CCDC3: variants seen among roughly 807,000 people sequenced by gnomAD.
The protein encoded by CCDC3 is coiled-coil domain-containing protein 3.
CCDC3 carries 24 observed loss-of-function variants against 21.4 expected under a neutral mutation model. That is an observed-to-expected ratio of 1.12 (90% CI 0.81 to 1.58). The LOEUF is 1.58. Ranked by LOEUF, CCDC3 falls within the 40% of genes most tolerant of loss-of-function variation. The probability of loss-of-function intolerance (pLI) is 0.00; values close to 1 mark genes in which losing one functional copy is unlikely to be tolerated. For synonymous variants in CCDC3, 186 were observed against 166.0 expected (o/e 1.12, Z -0.93); for missense variants, 425 against 360.9 (o/e 1.18, Z -1.44).
At chr10:12,990,559 G>T (rs941769899) in intron 2 of CCDC3, among the ~76,000 whole-genome samples, 1 of 152,194 alleles carries the variant, frequency 6.6e-6, no homozygotes, top group Non-Finnish European at 1.5e-5. Context: ...TCACTTCAAA[G>T]AAAACAACTG....
intron 2 of CCDC3, among the ~76,000 whole-genome samples, chr10:12,948,689 C>A (rs955226988): frequency 1.4e-5 from 2 of 145,032 alleles, no homozygotes; most frequent in East Asian, 2.0e-4. Flanking sequence ...CAACTGAAGA[C>A]GAAAAGGGGT....
At chr10:12,918,923 T>C (rs1465723986) in intron 2 of CCDC3, among the ~76,000 whole-genome samples, 1 of 151,982 alleles carries the variant, frequency 6.6e-6, no homozygotes, top group Non-Finnish European at 1.5e-5. Context: ...TGCATGGTGG[T>C]GGGCGCCTGT....
chr10:13,001,167 G>C (rs928557177), intron 1 of CCDC3, 30 bp downstream of exon 1: 4 of 1,543,164 alleles, frequency 2.6e-6, no homozygotes, highest in Middle Eastern at 1.7e-4. Context: ...CAGAGAGAGA[G>C]AGAGGTGGCG....
intron 2 of CCDC3, among the ~76,000 whole-genome samples, chr10:12,925,163 A>C (rs166852): frequency 0.99 from 151,208 of 152,244 alleles, 75,097 homozygotes; most frequent in East Asian, 1. Flanking sequence ...GGGAGCAAAA[A>C]CCCTGGGTCA....
intron 5 of CCDC3, among the ~76,000 whole-genome samples, chr10:13,018,801 G>A (rs1450935892): frequency 6.6e-6 from 1 of 151,868 alleles, no homozygotes; most frequent in African/African-American, 2.4e-5. Flanking sequence ...GGGCGAGGTG[G>A]TGAGTGCTTC....
intron 4 of CCDC3, among the ~76,000 whole-genome samples, chr10:13,064,743 G>C (rs1295858807): frequency 6.6e-6 from 1 of 152,096 alleles, no homozygotes; most frequent in East Asian, 1.9e-4. Flanking sequence ...CCAAGATCAG[G>C]GGCCACTGCA....
At position 13,066,084 on chromosome 10, in the gene CCDC3, G is replaced by C. The variant is rs191597971; in HGVS notation, c.-270+7784C>G. Among the ~76,000 whole-genome samples the C allele has an allele frequency of 1.6e-3, 238 of 152,158 alleles. 3 individuals are homozygous for C. The highest frequency in any genetic ancestry group is 5.5e-3 in the African/African-American group (227 of 41,514). ...TGAAATGATTGAGATGCAAAATCCT[G>C]GGCTCCATCCCCAGTTCCTTTCATT... On this transcript the variant is annotated intron_variant, in intron 4 of 6. Coordinates refer to the CCDC3 transcript ENST00000378839.
At chr10:12,925,136 C>A (rs1834514587) in intron 2 of CCDC3, among the ~76,000 whole-genome samples, 1 of 152,088 alleles carries the variant, frequency 6.6e-6, no homozygotes. Context: ...ATGGTCGGTT[C>A]CAGGAGAGCC....
intron 1 of CCDC3, among the ~76,000 whole-genome samples, chr10:13,000,232 C>T (rs1835825965): frequency 6.6e-6 from 1 of 152,166 alleles, no homozygotes; most frequent in African/African-American, 2.4e-5. Context: ...AGGTTAGATT[C>T]CATTTTGATG....
intron 2 of CCDC3, among the ~76,000 whole-genome samples, chr10:12,985,796 G>C (rs1448369370): frequency 6.6e-6 from 1 of 152,212 alleles, no homozygotes; most frequent in Non-Finnish European, 1.5e-5. Flanking sequence ...GCAGGAAGAA[G>C]CCACTTGGTG....
At chr10:13,004,245 G>A (rs1189222911), upstream of CCDC3, among the ~76,000 whole-genome samples, 1 of 149,778 alleles carries the variant, frequency 6.7e-6, no homozygotes, top group Non-Finnish European at 1.5e-5. Flanking sequence ...TCAGTGTGGT[G>A]ACTCCCAACT....
intron 2 of CCDC3, among the ~76,000 whole-genome samples, chr10:12,975,090 G>A (rs930579546): frequency 1.2e-4 from 19 of 152,158 alleles, no homozygotes; most frequent in African/African-American, 4.1e-4. Flanking sequence ...CCAAACTCAC[G>A]CCGCTCTAGT....
chr10:12,914,304 G>A (rs1244610442), intron 2 of CCDC3, among the ~76,000 whole-genome samples: 2 of 152,156 alleles, frequency 1.3e-5, no homozygotes, highest in African/African-American at 2.4e-5. Flanking sequence ...CTTAATCATA[G>A]TAGGTTGTAT....
At chr10:13,023,212 T>C (rs899451984) in intron 5 of CCDC3, among the ~76,000 whole-genome samples, 1 of 152,204 alleles carries the variant, frequency 6.6e-6, no homozygotes, top group Admixed American at 6.5e-5. Context: ...GTTTGACTTA[T>C]CTACTGCTGC....
intron 2 of CCDC3, among the ~76,000 whole-genome samples, chr10:12,939,080 C>G: frequency 6.8e-6 from 1 of 146,056 alleles, no homozygotes; most frequent in East Asian, 1.9e-4. Flanking sequence ...CCAGCCTTTA[C>G]GTGCCTCAAG....
chr10:13,025,256 G>A (rs1194224350), intron 5 of CCDC3, among the ~76,000 whole-genome samples: 1 of 152,216 alleles, frequency 6.6e-6, no homozygotes, highest in Non-Finnish European at 1.5e-5. Flanking sequence ...TCTTCTCCAT[G>A]TGGTTGCTTA....
At chr10:12,898,898 C>T (rs1159248760) in intron 2 of CCDC3, among the ~76,000 whole-genome samples, 1 of 152,196 alleles carries the variant, frequency 6.6e-6, no homozygotes, top group Admixed American at 6.5e-5. Context: ...CCCCGTTTTG[C>T]TTTCCATACT....
At position 12,897,092 on chromosome 10, in the gene CCDC3, C is replaced by A; in HGVS notation, c.*1324G>T. On this transcript the variant is annotated 3_prime_UTR_variant, in exon 3 of 3. Coordinates refer to ENST00000378825, the MANE Select transcript of CCDC3 (RefSeq NM_031455.4). ...ACAGCATCACCAGGCCCTGCAGTGT[C>A]TGGGGGGGGTCTCTGGGGGGCAGAT... is the stretch of plus-strand genomic sequence containing the variant. The A allele has an allele frequency of 8.4e-5, 1 of 11,892 alleles. No homozygotes were observed. The highest frequency in any genetic ancestry group is 5.3e-4 in the Non-Finnish European group (1 of 1,902). The allele number at this position is 11,892 out of a possible 1,614,324, so 0.7% of individuals were successfully genotyped here. A position where few individuals can be genotyped will look rare whatever the true frequency, so the allele number is the denominator to read the frequency against.
chr10:13,003,914 C>T (rs2131290099), upstream of CCDC3, among the ~76,000 whole-genome samples: 1 of 152,294 alleles, frequency 6.6e-6, no homozygotes, highest in East Asian at 1.9e-4. Flanking sequence ...GCAGACACAT[C>T]AGTCATGCTT....
Sources: gnomAD v4.1 joint callset for allele counts (sites outside exome capture counted in the v4.1 genomes callset) on GRCh38, gnomAD v4.1.1 for gene constraint, MANE v1.5 for transcripts, NCBI Gene and HGNC (gene_info 2026-07-23, HGNC 2026-07-21) for gene names.